Variants in PPA2 observed in about 807,000 individuals in gnomAD.
PPA2 encodes inorganic pyrophosphatase 2, also known as inorganic pyrophosphatase 2, mitochondrial.
In PPA2, 48 loss-of-function variants were observed where a neutral mutation model predicts 49.5. That is an observed-to-expected ratio of 0.97 (90% CI 0.77 to 1.23). The LOEUF (loss-of-function observed/expected upper bound fraction) is 1.23, where lower values mean the gene tolerates loss of function less well. Ranked by LOEUF, PPA2 falls within the 50% of genes most tolerant of loss-of-function variation. The probability of loss-of-function intolerance (pLI) is 0.00; values close to 1 mark genes in which losing one functional copy is unlikely to be tolerated. For synonymous variants in PPA2, 131 were observed against 139.9 expected (o/e 0.94, Z 0.45); for missense variants, 429 against 410.1 (o/e 1.05, Z -0.40).
At chr4:105,382,809 G>A (rs1578799051) in intron 10 of PPA2, among the ~76,000 whole-genome samples, 1 of 151,738 alleles carries the variant, frequency 6.6e-6, no homozygotes, top group East Asian at 1.9e-4. Flanking sequence ...GGCCAGCCTG[G>A]GCAATATAGC....
At chr4:105,458,227 T>C (rs987672657) in intron 1 of PPA2, among the ~76,000 whole-genome samples, 25 of 152,178 alleles carry the variant, frequency 1.6e-4, no homozygotes, top group Non-Finnish European at 1.5e-5. Context: ...GATGACTAAA[T>C]GCAGTCTGGT....
chr4:105,388,856 G>C (rs933718996), intron 9 of PPA2, among the ~76,000 whole-genome samples: 1 of 147,260 alleles, frequency 6.8e-6, no homozygotes, highest in Admixed American at 6.8e-5. Context: ...AAAATTAGCT[G>C]TTTTAAGAAT....
At chr4:105,450,439 T>C (rs901764942) in intron 3 of PPA2, among the ~76,000 whole-genome samples, 2 of 151,094 alleles carry the variant, frequency 1.3e-5, no homozygotes, top group Non-Finnish European at 3.0e-5. Context: ...TGCAGCAGCA[T>C]GATCTCGGCT....
chr4:105,408,778 T>G (rs2636749), intron 7 of PPA2, among the ~76,000 whole-genome samples: 56,848 of 152,110 alleles, frequency 0.37, 12,569 homozygotes, highest in East Asian at 0.67. Flanking sequence ...CAGACTGTGC[T>G]AAAAGATATA....
At position 105,473,917 on chromosome 4, in the gene PPA2, G is replaced by A. The variant is rs2110339949; in HGVS notation, c.134C>T (p.Ser45Leu). Residue 45 changes from serine (S) to leucine (L), a missense_variant, in exon 1 of 12, where the codon TCG (serine) becomes TTG (leucine). Coordinates refer to ENST00000341695, the MANE Select transcript of PPA2 (RefSeq NM_176869.3). ...YHTEERGQPC[S>L]QNYRLFFKNV... ...ACTAAAGAAGAGGCGGTAATTCTGC[G>A]AGCAGGGCTGGCCGCGCTCCTCAGT... 1.9e-6 allele frequency: 3 copies of A among 1,604,598 alleles called. No homozygotes were observed. Among genetic ancestry groups the A allele is most frequent in the Non-Finnish European group, 2.6e-6 (3 of 1,174,182 alleles).
At chr4:105,386,904 G>T (rs1733707277) in intron 9 of PPA2, among the ~76,000 whole-genome samples, 1 of 151,960 alleles carries the variant, frequency 6.6e-6, no homozygotes, top group African/African-American at 2.4e-5. Context: ...ATAATTTCCA[G>T]GTATATATAA....
At chr4:105,457,127 T>C (rs2522545) in intron 1 of PPA2, among the ~76,000 whole-genome samples, 99,959 of 152,052 alleles carry the variant, frequency 0.66, 34,652 homozygotes, top group African/African-American at 0.89. Flanking sequence ...TTGGGGAAAC[T>C]TAACAATAGT....
chr4:105,436,305 T>C (rs1480387033), intron 6 of PPA2, among the ~76,000 whole-genome samples: 1 of 151,938 alleles, frequency 6.6e-6, no homozygotes, highest in East Asian at 1.9e-4. Context: ...AAAACACTGA[T>C]GAAAGGAATC....
chr4:105,424,923 A>G (rs1723423812), intron 6 of PPA2, among the ~76,000 whole-genome samples: 1 of 152,248 alleles, frequency 6.6e-6, no homozygotes, highest in Non-Finnish European at 1.5e-5. Context: ...GGCAAAGAAT[A>G]ATGGCCAGAG....
intron 10 of PPA2, among the ~76,000 whole-genome samples, chr4:105,381,006 T>C (rs1040068826): frequency 6.6e-6 from 1 of 152,142 alleles, no homozygotes; most frequent in Non-Finnish European, 1.5e-5. Flanking sequence ...ACTCCTATTA[T>C]ACCATCAAGT....
At chr4:105,453,468 A>G in intron 3 of PPA2, 130 bp downstream of exon 3, 1 of 608,372 alleles carries the variant, frequency 1.6e-6, no homozygotes, top group Non-Finnish European at 2.7e-6. Flanking sequence ...TTAAAGAAAA[A>G]CATCGGAATG....
chr4:105,445,989 T>C (rs1422516062), intron 5 of PPA2, among the ~76,000 whole-genome samples: 1 of 152,154 alleles, frequency 6.6e-6, no homozygotes, highest in Non-Finnish European at 1.5e-5. Context: ...CATTCATCTG[T>C]TAAAGTTTAA....
At chr4:105,378,503 T>C (rs1733348838) in intron 10 of PPA2, among the ~76,000 whole-genome samples, 1 of 152,134 alleles carries the variant, frequency 6.6e-6, no homozygotes, top group Admixed American at 6.5e-5. Context: ...CTTTATCAGA[T>C]ATATAATTTT....
At chr4:105,456,325 A>C (rs1722873284) in intron 2 of PPA2, 1 of 450,408 alleles carries the variant, frequency 2.2e-6, no homozygotes, top group African/African-American at 2.0e-5. Context: ...ATAACAATTA[A>C]ATAACATCAT....
chr4:105,373,186 A>T (rs59939789), intron 10 of PPA2, among the ~76,000 whole-genome samples: 18,517 of 152,086 alleles, frequency 0.12, 1,188 homozygotes, highest in African/African-American at 0.15. Context: ...AAGTACTTCA[A>T]AAAGAATAAA....
chr4:105,424,319 G>A lies in PPA2; in HGVS notation c.532C>T (p.Leu178Phe). ...ACATGAATAACTTCTCCACAAGAAAGAATCTTTAAAGAAAAAAGAAATTCA... is the reference window on the plus strand; with the variant it reads ...ACATGAATAACTTCTCCACAAGAAAAAATCTTTAAAGAAAAAAGAAATTCA... Reference protein sequence around the residue: ...IDVCEIGSKILSCGEVIHVKI... With the variant: ...IDVCEIGSKIFSCGEVIHVKI... The change falls in exon 7 of 12, where the codon CTT becomes TTT. Residue 178 changes from leucine (L) to phenylalanine (F), a missense_variant. Leu to Phe is a conservative substitution (Grantham distance 22). Coordinates refer to ENST00000341695, the MANE Select transcript of PPA2 (RefSeq NM_176869.3). 1.9e-6 allele frequency: 3 copies of A among 1,585,152 alleles called. No individual in the cohort carries two copies. The highest frequency in any genetic ancestry group is 1.7e-6 in the Non-Finnish European group (2 of 1,172,882).
chr4:105,373,571 A>C (rs11932472), intron 10 of PPA2, among the ~76,000 whole-genome samples: 2,448 of 152,296 alleles, frequency 0.016, 58 homozygotes, highest in African/African-American at 0.056. Context: ...GTATAAAAAT[A>C]GAATAATTGA....
chr4:105,440,413 C>G (rs984064614), intron 5 of PPA2, among the ~76,000 whole-genome samples: 52 of 152,194 alleles, frequency 3.4e-4, no homozygotes, highest in African/African-American at 1.2e-3. Flanking sequence ...AGGCGCCCAC[C>G]ACCACCCTAG....
At chr4:105,451,665 C>T (rs1426618099) in intron 3 of PPA2, among the ~76,000 whole-genome samples, 3 of 152,164 alleles carry the variant, frequency 2.0e-5, no homozygotes, top group Admixed American at 2.0e-4. Flanking sequence ...TCAGAGGTGA[C>T]CAAGAAGACC....
Sources: allele counts gnomAD v4.1 joint callset (sites outside exome capture counted in the v4.1 genomes callset), GRCh38; gene constraint gnomAD v4.1.1; transcripts MANE v1.5; gene names NCBI Gene and HGNC (gene_info 2026-07-23, HGNC 2026-07-21).